Variants in SV2C observed in about 807,000 individuals in gnomAD.
SV2C encodes solute carrier family 22 member B3.
In SV2C, 49 loss-of-function variants were observed where a neutral mutation model predicts 79.7. The ratio of observed to expected loss-of-function variants is 0.61; its 90% confidence interval spans 0.49 to 0.78. SV2C has a LOEUF of 0.78. Ranked by LOEUF, SV2C falls within the 30% of genes least tolerant of loss-of-function variation. SV2C has a pLI of 0.00. For synonymous variants in SV2C, 334 were observed against 333.2 expected (o/e 1.00, Z -0.03); for missense variants, 833 against 912.9 (o/e 0.91, Z 1.13).
chr5:76,184,756 A>C (rs984763196), intron 2 of SV2C, among the ~76,000 whole-genome samples: 4 of 152,128 alleles, frequency 2.6e-5, no homozygotes, highest in Admixed American at 2.6e-4. Context: ...ACACGTGGGG[A>C]TTATTTCAAT....
Position 76,195,100 on chromosome 5 carries a change from G to A in SV2C, c.761+1G>A, listed in dbSNP as rs1580345840. ...TCTGTCGCTTACTTTCTGGATTCGG[G>A]TAAGGTTTTCTCCTTCATATTTTAT... On this transcript the variant is annotated splice_donor_variant, in intron 3 of 12. Coordinates refer to ENST00000502798, the MANE Select transcript of SV2C (RefSeq NM_014979.4). LOFTEE classifies it high-confidence loss of function. 1 of 1,612,806 alleles carries A rather than the reference G, an allele frequency of 6.2e-7. No homozygotes were observed.
chr5:76,118,757 G>C (rs1024998184), intron 1 of SV2C, among the ~76,000 whole-genome samples: 1 of 152,144 alleles, frequency 6.6e-6, no homozygotes, highest in African/African-American at 2.4e-5. Context: ...TGAGGTAGGT[G>C]GATCACTTGA....
the SV2C span, among the ~76,000 whole-genome samples, chr5:76,004,360 C>T: frequency 6.6e-6 from 1 of 152,178 alleles, no homozygotes. Context: ...TGGACGTCAA[C>T]TAAGCTCTCT....
chr5:75,990,130 C>T, the SV2C span, among the ~76,000 whole-genome samples: 1 of 151,952 alleles, frequency 6.6e-6, no homozygotes, highest in Non-Finnish European at 1.5e-5. Context: ...TTTTGCTGTG[C>T]AAAAGCTCTT....
At chr5:76,291,890 C>T (rs780487383) in intron 8 of SV2C, 34 bp downstream of exon 8, 2 of 1,455,284 alleles carry the variant, frequency 1.4e-6, no homozygotes, top group Admixed American at 1.8e-5. Flanking sequence ...CAAGCAAAAT[C>T]GTTCAATGTC....
intron 4 of SV2C, among the ~76,000 whole-genome samples, chr5:76,247,701 A>T (rs1170657859): frequency 1.3e-5 from 2 of 152,200 alleles, no homozygotes; most frequent in Non-Finnish European, 2.9e-5. Context: ...AAATCTGTGC[A>T]CTTGAATTTT....
At chr5:75,956,828 G>T in the SV2C span, among the ~76,000 whole-genome samples, 1 of 151,940 alleles carries the variant, frequency 6.6e-6, no homozygotes, top group Admixed American at 6.6e-5. Context: ...CACTGGTAGA[G>T]ATAGCAGCTA....
chr5:76,214,704 A>G (rs1744865848), intron 4 of SV2C, among the ~76,000 whole-genome samples: 1 of 152,190 alleles, frequency 6.6e-6, no homozygotes, highest in African/African-American at 2.4e-5. Flanking sequence ...TTCTTTCATC[A>G]GAGTTTTATA....
At chr5:75,986,026 T>G in the SV2C span, among the ~76,000 whole-genome samples, 1 of 151,000 alleles carries the variant, frequency 6.6e-6, no homozygotes, top group African/African-American at 2.4e-5. Context: ...TGTGAATAAA[T>G]GTAGTGTTAC....
the SV2C span, among the ~76,000 whole-genome samples, chr5:75,919,912 T>TCA: frequency 2.6e-5 from 4 of 152,262 alleles, no homozygotes; most frequent in Non-Finnish European, 5.9e-5. Context: ...AAGAGTTTGA[T>TCA]AAGTTTTGGT....
chr5:76,260,991 T>C (rs1175391955), intron 4 of SV2C, among the ~76,000 whole-genome samples: 2 of 152,200 alleles, frequency 1.3e-5, no homozygotes, highest in Non-Finnish European at 2.9e-5. Context: ...AAGTCGATGG[T>C]AGCTTAATGG....
chr5:76,185,509 A>G (rs1290818621), intron 2 of SV2C, among the ~76,000 whole-genome samples: 1 of 152,254 alleles, frequency 6.6e-6, no homozygotes, highest in African/African-American at 2.4e-5. Flanking sequence ...TTGGAAATCT[A>G]GGCAGAGATT....
the SV2C span, among the ~76,000 whole-genome samples, chr5:75,861,618 C>T: frequency 2.1e-5 from 3 of 145,200 alleles, no homozygotes; most frequent in East Asian, 5.8e-4. Context: ...ATGGTACATA[C>T]ACACCATGGA....
At chr5:75,993,532 C>G in the SV2C span, among the ~76,000 whole-genome samples, 1 of 152,026 alleles carries the variant, frequency 6.6e-6, no homozygotes, top group Non-Finnish European at 1.5e-5. Context: ...GACACTGGCT[C>G]AAAGGATGAA....
chr5:76,072,997 G>A, the SV2C span, among the ~76,000 whole-genome samples: 73 of 152,270 alleles, frequency 4.8e-4, no homozygotes, highest in African/African-American at 1.7e-3. Context: ...CTGGATATTA[G>A]TCCTTTGTCA....
chr5:76,344,172 A>G (rs1327221743), intron 12 of SV2C, among the ~76,000 whole-genome samples: 1 of 152,156 alleles, frequency 6.6e-6, no homozygotes, highest in African/African-American at 2.4e-5. Flanking sequence ...CAGCATTTTT[A>G]TGATTCCTTC....
intron 4 of SV2C, among the ~76,000 whole-genome samples, chr5:76,277,809 T>A (rs572409064): frequency 6.6e-6 from 1 of 150,938 alleles, no homozygotes; most frequent in Non-Finnish European, 1.5e-5. Context: ...TCCATTTATA[T>A]GATATTCTAG....
chr5:75,910,249 C>A, the SV2C span: 1 of 445,872 alleles, frequency 2.2e-6, no homozygotes, highest in Admixed American at 2.5e-5. Flanking sequence ...GGCAACATGG[C>A]GAAACCTCAT....
chr5:76,148,799 C>T (rs1195443744), intron 2 of SV2C, among the ~76,000 whole-genome samples: 2 of 152,174 alleles, frequency 1.3e-5, no homozygotes, highest in African/African-American at 4.8e-5. Context: ...CTTTTGTCCC[C>T]ACAGCCTACT....
Sources: gnomAD v4.1 joint callset for allele counts (sites outside exome capture counted in the v4.1 genomes callset) on GRCh38, gnomAD v4.1.1 for gene constraint, MANE v1.5 for transcripts, NCBI Gene and HGNC (gene_info 2026-07-23, HGNC 2026-07-21) for gene names.